Variants in PLOD3 observed in about 807,000 individuals in gnomAD.
PLOD3 encodes multifunctional procollagen lysine hydroxylase and glycosyltransferase LH3.
PLOD3 carries 73 observed loss-of-function variants against 96.9 expected under a neutral mutation model. That is an observed-to-expected ratio of 0.75 (90% CI 0.62 to 0.92). The LOEUF is 0.92. Among genes scored for constraint, PLOD3 ranks in the 40% least tolerant of loss-of-function variants. The pLI, the probability that PLOD3 is intolerant of heterozygous loss-of-function variation, is 0.00. For synonymous variants in PLOD3, 454 were observed against 413.7 expected, an observed-to-expected ratio of 1.10 and a Z score of -1.18; for missense variants, 1,004 against 1,004.3, an observed-to-expected ratio of 1.00 and a Z score of 0.00.
In PLOD3 at chr7:101,214,982, T is replaced by G. The variant is rs964726972; in HGVS notation, c.679+107A>C. 5 of 846,490 alleles carry G rather than the reference T, an allele frequency of 5.9e-6. No homozygotes were observed. In the African/African-American group the frequency reaches 8.3e-5, roughly 14 times the overall value. 52.4% of individuals were successfully genotyped at this position (846,490 alleles called of 1,614,324 possible). On this transcript the variant is annotated intron_variant, in intron 6 of 18. Transcript: ENST00000223127. The stretch of plus-strand genomic sequence containing the variant: ...CACTCAGACGCCTGACAAAACCACA[T>G]AGAGGTGGGCTTGGATCAGCCCAGC...
At chr7:101,214,042 C>T (rs1055226252) in intron 6 of PLOD3, among the ~76,000 whole-genome samples, 1 of 151,972 alleles carries the variant, frequency 6.6e-6, no homozygotes, top group African/African-American at 2.4e-5. Flanking sequence ...ACTATGTCAG[C>T]CAGGCTGGTC....
At chr7:101,207,122 C>T (rs1355335454) in intron 17 of PLOD3, among the ~76,000 whole-genome samples, 3 of 151,988 alleles carry the variant, frequency 2.0e-5, no homozygotes, top group African/African-American at 7.3e-5. Flanking sequence ...ATTATAGGCA[C>T]CTGCCACCAC....
Position 101,212,524 on chromosome 7 carries a change from T to C in PLOD3, c.1005+6A>G. ...CTCAGGAGAGGCTCCAACAGGGGAG[T>C]CTCACGTTGTTGTGCAGGAAAAGGG... is the stretch of plus-strand genomic sequence containing the variant. On this transcript the variant is annotated splice_donor_region_variant and intron_variant, in intron 9 of 18. Coordinates refer to ENST00000223127, the MANE Select transcript of PLOD3 (RefSeq NM_001084.5). 6.2e-7 allele frequency: 1 copy of C among 1,612,426 alleles called. No homozygotes were observed. The highest frequency in any genetic ancestry group is 8.5e-7 in the Non-Finnish European group (1 of 1,179,412).
chr7:101,209,617 C>A (rs1471025128), intron 15 of PLOD3, among the ~76,000 whole-genome samples: 1 of 149,910 alleles, frequency 6.7e-6, no homozygotes, highest in African/African-American at 2.5e-5. Context: ...GTCTCGAACT[C>A]CTGACCTCAG....
rs907256109 is a variant in PLOD3, at chr7:101,213,190, T to C, written c.694A>G (p.Lys232Glu). 1.2e-6 allele frequency: 2 copies of C among 1,612,010 alleles called. No individual in the cohort carries two copies. Among genetic ancestry groups the C allele is most frequent in the Non-Finnish European group, 8.5e-7 (1 of 1,178,190 alleles). ...ATACGCACACGGTTCCGATCAAACTTTAAAACCACTTCATCTGGGGAAGAA... is the reference window on the plus strand; with the variant it reads ...ATACGCACACGGTTCCGATCAAACTCTAAAACCACTTCATCTGGGGAAGAA... ...LNGALDEVVL[K>E]FDRNRVRIRN... The change falls in exon 7 of 19, where the codon AAG becomes GAG. Residue 232 changes from lysine (K) to glutamate (E), a missense_variant. By Grantham distance (56) the Lys-to-Glu change is moderately conservative. Around this residue, in one of 5 missense-constraint regions of PLOD3, gnomAD observed 690 missense variants for 650.2 expected, o/e 1.06. Coordinates refer to ENST00000223127, the MANE Select transcript of PLOD3 (RefSeq NM_001084.5).
At chr7:101,214,319 C>T (rs570059760) in intron 6 of PLOD3, among the ~76,000 whole-genome samples, 4 of 151,876 alleles carry the variant, frequency 2.6e-5, no homozygotes, top group East Asian at 4.0e-4. Context: ...TTAGTAGAGA[C>T]GGGTTTTCGC....
intron 11 of PLOD3, 59 bp downstream of exon 11, chr7:101,211,787 G>C (rs1370247954): frequency 6.3e-7 from 1 of 1,586,840 alleles, no homozygotes; most frequent in East Asian, 2.3e-5. Flanking sequence ...CAGGGCAGGA[G>C]TGGGGTTCCC....
rs776951292 is a variant in PLOD3 at position 101,216,180 on chromosome 7, C to G, written c.485G>C (p.Arg162Pro). The G allele has an allele frequency of 1.1e-5, 17 of 1,613,908 alleles. No individual in the cohort carries two copies. Among genetic ancestry groups the G allele is most frequent in the African/African-American group, 1.3e-5 (1 of 74,930 alleles). Residue 162 changes from arginine (R) to proline (P), a missense_variant, in exon 4 of 19, where the codon CGC becomes CCC. By Grantham distance (103) the Arg-to-Pro change is moderately radical. Transcript: ENST00000223127. Reference protein sequence around the residue: ...EQYPEVGTGKRFLNSGGFIGF... With the variant: ...EQYPEVGTGKPFLNSGGFIGF... Reference sequence around the variant, plus strand: ...CCACTCACCACCAGAATTGAGGAAGCGCTTCCCCGTGCCCACCTCAGGGTA... The same window carrying G: ...CCACTCACCACCAGAATTGAGGAAGGGCTTCCCCGTGCCCACCTCAGGGTA...
chr7:101,216,344 G>A lies in PLOD3; in HGVS notation c.339-18C>T. 6.2e-7 allele frequency: 1 copy of A among 1,613,484 alleles called. No individual in the cohort carries two copies. ...CGTCGTAGCTGGGTGAGGAAGGGGA[G>A]GATGGGCAGGGGTCCACTGGGAACC... On this transcript the variant is annotated intron_variant, in intron 3 of 18. Transcript: ENST00000223127.
chr7:101,206,602 C>G (rs1461267151), intron 18 of PLOD3, among the ~76,000 whole-genome samples, 166 bp from the exon 19 acceptor site: 2 of 152,024 alleles, frequency 1.3e-5, no homozygotes, highest in Non-Finnish European at 2.9e-5. Flanking sequence ...TGCCTGCAGA[C>G]AGGAAGATCC....
In PLOD3 at chr7:101,213,251, T is replaced by C. The variant is rs769927925; in HGVS notation, c.680-47A>G. 3 of 1,251,368 alleles carry C rather than the reference T, an allele frequency of 2.4e-6. No homozygotes were observed. The East Asian group carries it at 7.0e-5, about 29-fold the overall frequency. 77.5% of individuals were successfully genotyped at this position (1,251,368 alleles called of 1,614,324 possible). A position where few individuals can be genotyped will look rare whatever the true frequency, so the allele number is the denominator to read the frequency against. ...CTTCAGACCCCCTTTCTCTGGGAGCTACCAAGCAACACATTCTTCTAAATA... is the reference window on the plus strand; with the variant it reads ...CTTCAGACCCCCTTTCTCTGGGAGCCACCAAGCAACACATTCTTCTAAATA... On this transcript the variant is annotated intron_variant, in intron 6 of 18. Transcript: ENST00000223127.
rs538437811 is a variant in PLOD3, at chr7:101,216,381, AC to A, written c.338+28del. The A allele has an allele frequency of 2.2e-4, 358 of 1,613,514 alleles. No homozygotes were observed. The East Asian group carries it at 7.5e-3, about 34-fold the overall frequency. On this transcript the variant is annotated intron_variant, in intron 3 of 18. Coordinates refer to ENST00000223127, the MANE Select transcript of PLOD3 (RefSeq NM_001084.5). ...GTCCACTGGGAACCTCAGCATCCTT[AC>A]CCCGCTCCCTATCCCCAGCCCCGTT...
In PLOD3 at chr7:101,216,511, A is replaced by T; in HGVS notation, c.237T>A (p.Asp79Glu). ...GTCCTCCACCAACTGTTCGAGCCAC[A>T]TCACCCCCTCGCCACTCCTCTCCCA... ...LGLGEEWRGGDVARTVGGGQK... is the reference protein window; with the variant it reads ...LGLGEEWRGGEVARTVGGGQK... The change falls in exon 3 of 19, where the codon GAT (aspartate) becomes GAA (glutamate). Residue 79 changes from aspartate (D) to glutamate (E), a missense_variant. Physicochemically the swap from Asp to Glu is conservative, Grantham distance 45. This residue lies in a region of PLOD3 where 690 missense variants were observed against 650.2 expected (regional missense o/e 1.06). Transcript: ENST00000223127. The T allele has an allele frequency of 1.2e-6, 2 of 1,613,880 alleles. No individual in the cohort carries two copies. The highest frequency in any genetic ancestry group is 1.7e-6 in the Non-Finnish European group (2 of 1,179,958).
chr7:101,214,640 C>A (rs1003739722), intron 6 of PLOD3, among the ~76,000 whole-genome samples: 1 of 152,086 alleles, frequency 6.6e-6, no homozygotes, highest in African/African-American at 2.4e-5. Context: ...GAGTTCGAGA[C>A]TAGCCTGGCC....
At position 101,217,477 on chromosome 7, in the gene PLOD3, A is replaced by T; in HGVS notation, c.-203T>A. On this transcript the variant is annotated 5_prime_UTR_variant, in exon 1 of 19. The change creates a new upstream start codon in the 5' untranslated region. Coordinates refer to ENST00000223127, the MANE Select transcript of PLOD3 (RefSeq NM_001084.5). ...GCTCCAGATGCCGGCGCCACAGACA[A>T]GGCGAGGATTGTCCCGGGCGCACGG... is the stretch of plus-strand genomic sequence containing the variant. 1 of 484,744 alleles carries T rather than the reference A, an allele frequency of 2.1e-6. No individual in the cohort carries two copies. Among genetic ancestry groups the T allele is most frequent in the African/African-American group, 2.1e-5 (1 of 48,540 alleles). 30.0% of individuals were successfully genotyped at this position (484,744 alleles called of 1,614,324 possible). A position where few individuals can be genotyped will look rare whatever the true frequency, so the allele number is the denominator to read the frequency against.
intron 17 of PLOD3, among the ~76,000 whole-genome samples, chr7:101,207,367 C>T (rs1199198066): frequency 6.6e-6 from 1 of 152,028 alleles, no homozygotes; most frequent in Non-Finnish European, 1.5e-5. Context: ...TCTCGCTGCT[C>T]ACTGGCATTA....
chr7:101,212,200 C>T, intron 10 of PLOD3, 53 bp downstream of exon 10: 1 of 1,603,006 alleles, frequency 6.2e-7, no homozygotes, highest in Admixed American at 1.7e-5. Context: ...GTGGCAGCAC[C>T]CCTGACCCTA....
At chr7:101,208,423 T>C (rs1177512329) in intron 16 of PLOD3, among the ~76,000 whole-genome samples, 1 of 152,182 alleles carries the variant, frequency 6.6e-6, no homozygotes, top group Non-Finnish European at 1.5e-5. Flanking sequence ...GTGTTTTTAG[T>C]AGAGATGGGG....
In PLOD3 at chr7:101,211,637, A is replaced by G. The variant is rs111650634; in HGVS notation, c.1312T>C (p.Tyr438His). 1 of 1,607,230 alleles carries G rather than the reference A, an allele frequency of 6.2e-7. No individual in the cohort carries two copies. The highest frequency in any genetic ancestry group is 8.5e-7 in the Non-Finnish European group (1 of 1,177,604). The change falls in exon 12 of 19, where the codon TAC (tyrosine) becomes CAC (histidine). Residue 438 changes from tyrosine to histidine, a missense_variant. By Grantham distance (83) the Tyr-to-His change is moderately conservative (BLOSUM62 2). Transcript: ENST00000223127. ...FWGALSPDEY[Y>H]ARSEDYVELV... ...TCCACGTAGTCCTCGGAGCGGGCGTAGTACTCATCGGGGCTCAGGGCGCCC... is the reference window on the plus strand; with the variant it reads ...TCCACGTAGTCCTCGGAGCGGGCGTGGTACTCATCGGGGCTCAGGGCGCCC...
Sources: allele counts gnomAD v4.1 joint callset (sites outside exome capture counted in the v4.1 genomes callset), GRCh38; gene constraint gnomAD v4.1.1; regional missense constraint gnomAD v4.1.1; transcripts MANE v1.5; gene names NCBI Gene and HGNC (gene_info 2026-07-23, HGNC 2026-07-21).